ELFN2: variants seen among roughly 807,000 people sequenced by gnomAD.
ELFN2 encodes protein phosphatase 1 regulatory subunit 29.
Under a neutral mutation model 45.5 loss-of-function variants are expected in ELFN2, and 17 were observed. The ratio of observed to expected loss-of-function variants is 0.37; its 90% CI spans 0.26 to 0.56. ELFN2 has a LOEUF of 0.56. Ranked by LOEUF, ELFN2 falls within the 20% of genes least tolerant of loss-of-function variation. The pLI, the probability that ELFN2 is intolerant of heterozygous loss-of-function variation, is 0.77. For missense variants in ELFN2, 922 were observed against 1,183.2 expected, an observed-to-expected ratio of 0.78 and a Z score of 3.24; for synonymous variants, 550 against 551.5, an observed-to-expected ratio of 1.00 and a Z score of 0.04.
chr22:37,389,100 A>C (rs1239480070), intron 2 of ELFN2, among the ~76,000 whole-genome samples: 1 of 152,126 alleles, frequency 6.6e-6, no homozygotes, highest in Non-Finnish European at 1.5e-5. Flanking sequence ...AATGAGGACT[A>C]ATGTACACAG....
At chr22:37,412,289 A>AAAAAG (rs1932667273) in intron 2 of ELFN2, among the ~76,000 whole-genome samples, 1 of 150,830 alleles carries the variant, frequency 6.6e-6, no homozygotes, top group Non-Finnish European at 1.5e-5. Flanking sequence ...AAAAAAAAAA[A>AAAAAG]AAAAAAGAAA....
intron 1 of ELFN2, among the ~76,000 whole-genome samples, chr22:37,349,659 G>GGTGGGGCCTTGCAGGGCACAC (rs1930779585): frequency 6.6e-6 from 1 of 151,000 alleles, no homozygotes. Context: ...TGGGGGTGCA[G>GGTGGGGCCTTGCAGGGCACAC]GTGGGGCCTT....
chr22:37,411,547 G>A (rs1003726650), intron 2 of ELFN2, among the ~76,000 whole-genome samples: 1 of 149,958 alleles, frequency 6.7e-6, no homozygotes, highest in African/African-American at 2.5e-5. Flanking sequence ...AGGTCCAGAG[G>A]GAGTGTAGGA....
intron 2 of ELFN2, among the ~76,000 whole-genome samples, chr22:37,389,951 G>A (rs1398514243): frequency 6.6e-6 from 1 of 152,208 alleles, no homozygotes; most frequent in Non-Finnish European, 1.5e-5. Context: ...GACCAGGGGG[G>A]TGGGAACCAA....
chr22:37,407,198 C>T (rs1423052249), intron 2 of ELFN2, among the ~76,000 whole-genome samples: 1 of 152,146 alleles, frequency 6.6e-6, no homozygotes, highest in Admixed American at 6.5e-5. Context: ...GACTGGGAGC[C>T]AGGAAGCCTG....
rs1327298351 is a variant in ELFN2 at position 37,374,226 on chromosome 22, T to C, written c.1309A>G (p.Thr437Ala). The C allele has an allele frequency of 1.2e-6, 2 of 1,613,756 alleles. No homozygotes were observed. The highest frequency in any genetic ancestry group is 1.7e-6 in the Non-Finnish European group (2 of 1,180,030). The change falls in exon 3 of 3, where the codon ACC (threonine) becomes GCC (alanine). Residue 437 changes from threonine (T) to alanine (A), a missense_variant. Physicochemically the swap from Thr to Ala is moderately conservative, Grantham distance 58. Coordinates refer to ENST00000402918, the MANE Select transcript of ELFN2 (RefSeq NM_052906.5). Reference protein sequence around the residue: ...EKQKSVNVKKTILEMRYGADV... With the variant: ...EKQKSVNVKKAILEMRYGADV... ...GCCCCGTAGCGCATCTCCAGGATGG[T>C]CTTCTTGACGTTGACAGACTTCTGC... is the stretch of plus-strand genomic sequence containing the variant.
intron 2 of ELFN2, among the ~76,000 whole-genome samples, chr22:37,386,074 C>T (rs1483664215): frequency 1.3e-5 from 2 of 152,180 alleles, no homozygotes; most frequent in Non-Finnish European, 2.9e-5. Flanking sequence ...CACCTGTCAC[C>T]TTGTGGGGCC....
At chr22:37,399,087 T>G (rs1291276872) in intron 2 of ELFN2, among the ~76,000 whole-genome samples, 1 of 152,024 alleles carries the variant, frequency 6.6e-6, no homozygotes, top group African/African-American at 2.4e-5. Context: ...GACTCCTGGA[T>G]CCTCCCTCCC....
chr22:37,426,139 C>T (rs781507446), intron 1 of ELFN2, among the ~76,000 whole-genome samples: 1 of 151,954 alleles, frequency 6.6e-6, no homozygotes, highest in Non-Finnish European at 1.5e-5. Context: ...GCCCTCCAGC[C>T]GCAGCTGCTG....
intron 1 of ELFN2, among the ~76,000 whole-genome samples, chr22:37,350,059 G>A (rs577723425): frequency 6.6e-6 from 1 of 151,058 alleles, no homozygotes; most frequent in African/African-American, 2.4e-5. Context: ...AGGCTGCCTG[G>A]GCTGTGGTAC....
At chr22:37,351,496 A>T (rs151099178) in intron 1 of ELFN2, among the ~76,000 whole-genome samples, 6 of 148,672 alleles carry the variant, frequency 4.0e-5, no homozygotes, top group Non-Finnish European at 9.1e-5. Context: ...GCACCCTCCC[A>T]CTGCTCTCAT....
intron 2 of ELFN2, among the ~76,000 whole-genome samples, chr22:37,405,836 GT>G (rs1569141458): frequency 2.7e-5 from 4 of 149,638 alleles, no homozygotes. Flanking sequence ...AAAAAAAAGG[GT>G]GGAGGGGGGG....
At chr22:37,385,325 C>T (rs189960799) in intron 2 of ELFN2, 2 of 152,396 alleles carry the variant, frequency 1.3e-5, no homozygotes, top group Admixed American at 1.3e-4. Flanking sequence ...CTCACAACTG[C>T]TACACAGTGG....
chr22:37,350,736 G>A (rs1420900737), intron 1 of ELFN2, among the ~76,000 whole-genome samples: 2 of 150,424 alleles, frequency 1.3e-5, no homozygotes, highest in African/African-American at 2.4e-5. Context: ...AGGTATCCCT[G>A]CTCCACGCTG....
intron 2 of ELFN2, among the ~76,000 whole-genome samples, chr22:37,410,578 A>G (rs1380983145): frequency 6.6e-6 from 1 of 152,118 alleles, no homozygotes; most frequent in Non-Finnish European, 1.5e-5. Flanking sequence ...ACTCACTCCC[A>G]AAGCCCCTCC....
intron 1 of ELFN2, among the ~76,000 whole-genome samples, chr22:37,419,782 G>T (rs1453804869): frequency 6.6e-6 from 1 of 152,092 alleles, no homozygotes; most frequent in Non-Finnish European, 1.5e-5. Flanking sequence ...ACGCCACAGC[G>T]CTCCCAGGGC....
At chr22:37,404,248 C>T (rs908720287) in intron 2 of ELFN2, among the ~76,000 whole-genome samples, 1 of 151,992 alleles carries the variant, frequency 6.6e-6, no homozygotes, top group East Asian at 1.9e-4. Flanking sequence ...TGGAATGCAT[C>T]GGAGGGGCGG....
intron 1 of ELFN2, among the ~76,000 whole-genome samples, chr22:37,360,990 G>T (rs568046176): frequency 3.9e-5 from 6 of 152,250 alleles, no homozygotes; most frequent in South Asian, 2.1e-4. Flanking sequence ...GCCACTCGAG[G>T]CTCCACTGTC....
At chr22:37,344,074 C>T (rs1432967041) in intron 1 of ELFN2, among the ~76,000 whole-genome samples, 7 of 122,574 alleles carry the variant, frequency 5.7e-5, no homozygotes, top group African/African-American at 2.2e-4. Context: ...CCCACCCATG[C>T]CCCCTGCCCA....
Sources: gnomAD v4.1 joint callset for allele counts (sites outside exome capture counted in the v4.1 genomes callset) on GRCh38, gnomAD v4.1.1 for gene constraint, MANE v1.5 for transcripts, NCBI Gene and HGNC (gene_info 2026-07-23, HGNC 2026-07-21) for gene names.